The following EGFLAM variants were observed in gnomAD, a reference collection of about 807,000 sequenced individuals.
The protein encoded by EGFLAM is pikachurin.
EGFLAM carries 79 observed loss-of-function variants against 113.1 expected under a neutral mutation model. That is an observed-to-expected ratio of 0.70 (90% CI 0.58 to 0.84). The LOEUF (loss-of-function observed/expected upper bound fraction) is 0.84. EGFLAM is among the 40% of genes least tolerant of loss of function. EGFLAM has a pLI of 0.00. For missense variants in EGFLAM, 1,265 were observed against 1,291.6 expected (o/e 0.98, Z 0.32); for synonymous variants, 504 against 487.6 (o/e 1.03, Z -0.44).
chr5:38,372,422 G>A (rs1204368439), intron 6 of EGFLAM, among the ~76,000 whole-genome samples: 2 of 152,158 alleles, frequency 1.3e-5, no homozygotes, highest in African/African-American at 4.8e-5. Flanking sequence ...GCCTCCCAAA[G>A]TGCTGGGATT....
chr5:38,260,059 A>G (rs896565543), intron 1 of EGFLAM, among the ~76,000 whole-genome samples: 3 of 152,204 alleles, frequency 2.0e-5, no homozygotes, highest in Admixed American at 6.5e-5. Context: ...AATCTACACC[A>G]TATTTAAATT....
At chr5:38,278,489 G>T (rs1757940151) in intron 1 of EGFLAM, among the ~76,000 whole-genome samples, 3 of 150,686 alleles carry the variant, frequency 2.0e-5, no homozygotes, top group Admixed American at 6.6e-5. Flanking sequence ...TCTGGTCAAT[G>T]ATTTTTTTTT....
chr5:38,425,529 T>C (rs1741976257), intron 13 of EGFLAM, among the ~76,000 whole-genome samples: 1 of 152,090 alleles, frequency 6.6e-6, no homozygotes, highest in South Asian at 2.1e-4. Flanking sequence ...TCAACATTGC[T>C]TTGTTGGGAG....
Position 38,427,247 on chromosome 5 carries a change from C to CCT in EGFLAM, c.2051_2052dup (p.Arg685SerfsTer33). On this transcript the variant is annotated frameshift_variant, in exon 14 of 22. Transcript: ENST00000322350. LOFTEE classifies it high-confidence loss of function. ...TTGACTGTGGCTCTGGGACCGGTGT[C>CCT]CTCAGGTGAGGGCTGAAAACTTCTG... 6.2e-7 allele frequency: 1 copy of CCT among 1,613,910 alleles called. No individual in the cohort carries two copies. Among genetic ancestry groups the CCT allele is most frequent in the Non-Finnish European group, 8.5e-7 (1 of 1,179,900 alleles).
At chr5:38,371,659 C>T (rs769822601) in intron 6 of EGFLAM, among the ~76,000 whole-genome samples, 4 of 152,122 alleles carry the variant, frequency 2.6e-5, no homozygotes, top group East Asian at 1.9e-4. Context: ...TGCACATGCT[C>T]GTGCACCCTA....
At chr5:38,301,296 T>G (rs983510906) in intron 1 of EGFLAM, among the ~76,000 whole-genome samples, 1 of 152,128 alleles carries the variant, frequency 6.6e-6, no homozygotes, top group Non-Finnish European at 1.5e-5. Context: ...AAGTGAAGAC[T>G]GTCAGGAGGA....
intron 12 of EGFLAM, among the ~76,000 whole-genome samples, chr5:38,424,745 C>A (rs1741940581): frequency 6.6e-6 from 1 of 152,150 alleles, no homozygotes. Flanking sequence ...TTTTTAAAGT[C>A]TCTATGGCTC....
At chr5:38,302,232 A>G (rs1045126231) in intron 1 of EGFLAM, among the ~76,000 whole-genome samples, 2 of 135,818 alleles carry the variant, frequency 1.5e-5, no homozygotes, top group Non-Finnish European at 3.1e-5. Flanking sequence ...GTGAAAGTCC[A>G]TCTCAAAAAA....
intron 1 of EGFLAM, among the ~76,000 whole-genome samples, chr5:38,308,535 G>A (rs1758786718): frequency 6.6e-6 from 1 of 152,202 alleles, no homozygotes; most frequent in Admixed American, 6.5e-5. Flanking sequence ...CCTTAAGCAA[G>A]TTACTTAAAC....
chr5:38,438,424 C>CT lies in EGFLAM; in HGVS notation c.2435dup (p.Leu812PhefsTer4). ...AGGAGGGCTATGACTGTGACTGCCC[C>CT]TTGGGCTTTGAGGGGCTTCACTGCC... On this transcript the variant is annotated frameshift_variant, in exon 17 of 22. Coordinates refer to ENST00000322350, the MANE Select transcript of EGFLAM (RefSeq NM_152403.4). LOFTEE classifies it high-confidence loss of function. The CT allele has an allele frequency of 6.2e-7, 1 of 1,612,520 alleles. No individual in the cohort carries two copies. The highest frequency in any genetic ancestry group is 1.1e-5 in the South Asian group (1 of 90,666).
chr5:38,380,245 G>A (rs1236661853), intron 6 of EGFLAM, among the ~76,000 whole-genome samples: 2 of 152,316 alleles, frequency 1.3e-5, no homozygotes, highest in East Asian at 3.9e-4. Flanking sequence ...CAAGAAATTT[G>A]TCAGGAAATT....
At chr5:38,322,407 T>C (rs1738766818) in intron 1 of EGFLAM, among the ~76,000 whole-genome samples, 1 of 152,140 alleles carries the variant, frequency 6.6e-6, no homozygotes, top group Admixed American at 6.5e-5. Context: ...ACTCCGCTCA[T>C]GGGGAGAGGT....
At chr5:38,407,939 T>C (rs1327532224) in intron 9 of EGFLAM, 34 bp downstream of exon 9, 1 of 1,512,312 alleles carries the variant, frequency 6.6e-7, no homozygotes, top group East Asian at 2.3e-5. Flanking sequence ...GAGTGCTTTT[T>C]GGACACTTTA....
At chr5:38,263,378 C>G (rs1043101878) in intron 1 of EGFLAM, among the ~76,000 whole-genome samples, 5 of 152,180 alleles carry the variant, frequency 3.3e-5, no homozygotes, top group Non-Finnish European at 7.3e-5. Flanking sequence ...ACGAGAATCA[C>G]TTTACCCTCA....
chr5:38,401,636 G>A (rs1322939985), intron 6 of EGFLAM, among the ~76,000 whole-genome samples: 3 of 152,158 alleles, frequency 2.0e-5, no homozygotes, highest in East Asian at 3.9e-4. Flanking sequence ...CAGCACTGTG[G>A]GAGTGTCTCC....
At chr5:38,333,689 G>C (rs534832958) in intron 1 of EGFLAM, among the ~76,000 whole-genome samples, 1 of 152,074 alleles carries the variant, frequency 6.6e-6, no homozygotes, top group Admixed American at 6.6e-5. Flanking sequence ...CCCTACAAAT[G>C]CTGGATGTTA....
intron 1 of EGFLAM, among the ~76,000 whole-genome samples, chr5:38,286,897 G>A (rs1318019151): frequency 2.6e-5 from 4 of 152,282 alleles, no homozygotes; most frequent in Middle Eastern, 6.8e-3. Flanking sequence ...ACTGAGAGGG[G>A]ATTGAACACA....
At chr5:38,437,046 C>G (rs1428537204) in intron 16 of EGFLAM, among the ~76,000 whole-genome samples, 1 of 152,202 alleles carries the variant, frequency 6.6e-6, no homozygotes, top group Admixed American at 6.5e-5. Flanking sequence ...AAGCCAGCAA[C>G]AGTTCAAAGT....
intron 6 of EGFLAM, among the ~76,000 whole-genome samples, chr5:38,397,191 A>G (rs1461650465): frequency 1.3e-5 from 2 of 152,226 alleles, no homozygotes; most frequent in Non-Finnish European, 2.9e-5. Context: ...GCCTATGGCC[A>G]GTACTTAGAG....
Sources: allele counts gnomAD v4.1 joint callset (sites outside exome capture counted in the v4.1 genomes callset), GRCh38; gene constraint gnomAD v4.1.1; transcripts MANE v1.5; gene names NCBI Gene and HGNC (gene_info 2026-07-23, HGNC 2026-07-21).